The following USP48 variants were observed in gnomAD, a reference collection of about 807,000 sequenced individuals.
USP48 encodes the protein ubiquitin carboxyl-terminal hydrolase 48.
In USP48, 43 loss-of-function variants were observed where a neutral mutation model predicts 150.7. The observed-to-expected ratio is 0.29, with a 90% CI of 0.22 to 0.37. USP48 has a LOEUF of 0.37. Among genes scored for constraint, USP48 ranks in the 10% least tolerant of loss-of-function variants. The pLI, the probability that USP48 is intolerant of heterozygous loss-of-function variation, is 1.00. For missense variants in USP48, 813 were observed against 1,249.6 expected (o/e 0.65, Z 5.27); for synonymous variants, 396 against 425.9 (o/e 0.93, Z 0.86).
intron 14 of USP48, 77 bp downstream of exon 14, chr1:21,720,959 T>G: frequency 1.9e-6 from 3 of 1,566,298 alleles, no homozygotes; most frequent in Non-Finnish European, 8.7e-7. Context: ...ACTACACGAA[T>G]GAGCCACCGT....
intron 21 of USP48, 138 bp downstream of exon 21, chr1:21,703,374 A>T: frequency 1.8e-6 from 1 of 540,718 alleles, no homozygotes. Flanking sequence ...TTATTGTCCA[A>T]TTTCAATTCT....
intron 3 of USP48, among the ~76,000 whole-genome samples, chr1:21,753,823 T>TA (rs11308463): frequency 0.089 from 7,720 of 86,432 alleles, 406 homozygotes; most frequent in African/African-American, 0.15. Context: ...CGAGACTCTT[T>TA]AAAAAAAAAA....
intron 1 of USP48, among the ~76,000 whole-genome samples, chr1:21,775,123 CTT>C (rs1279456662): frequency 6.6e-6 from 1 of 152,056 alleles, no homozygotes; most frequent in African/African-American, 2.4e-5. Flanking sequence ...GAGACAGGGT[CTT>C]GCTCTATCGC....
intron 6 of USP48, among the ~76,000 whole-genome samples, chr1:21,749,208 T>G (rs2097802848): frequency 6.6e-6 from 1 of 152,162 alleles, no homozygotes; most frequent in South Asian, 2.1e-4. Context: ...AATGCAATAC[T>G]GGTACCATCA....
At chr1:21,777,766 C>A (rs558673578) in intron 1 of USP48, among the ~76,000 whole-genome samples, 1 of 151,928 alleles carries the variant, frequency 6.6e-6, no homozygotes, top group Admixed American at 6.6e-5. Context: ...AAATTAAAAG[C>A]CATAGAAATT....
At chr1:21,758,756 AATGAATG>A (rs1289374967) in intron 1 of USP48, among the ~76,000 whole-genome samples, 5 of 208 alleles carry the variant, frequency 0.024, no homozygotes, top group Non-Finnish European at 0.091. Flanking sequence ...TCTTGGAAAA[AATGAATG>A]AATGAATGAA....
chr1:21,703,076 G>C (rs976869521), intron 21 of USP48, among the ~76,000 whole-genome samples: 3 of 152,202 alleles, frequency 2.0e-5, no homozygotes, highest in African/African-American at 7.2e-5. Context: ...ACTTCTCCAA[G>C]ACGCCTCTCC....
chr1:21,761,960 T>C (rs1210116010), intron 1 of USP48, among the ~76,000 whole-genome samples: 2 of 151,930 alleles, frequency 1.3e-5, no homozygotes, highest in Non-Finnish European at 2.9e-5. Context: ...AGGTCTACTA[T>C]AAGAGAGTTA....
intron 1 of USP48, 107 bp downstream of exon 1, chr1:21,782,717 G>A (rs1485849555): frequency 7.2e-7 from 1 of 1,389,708 alleles, no homozygotes; most frequent in Admixed American, 3.1e-5. Flanking sequence ...TCGGCTCCGC[G>A]CCTCCCAAAT....
At chr1:21,744,051 T>C (rs560246814) in intron 8 of USP48, among the ~76,000 whole-genome samples, 4 of 152,312 alleles carry the variant, frequency 2.6e-5, no homozygotes, top group African/African-American at 9.6e-5. Flanking sequence ...GTATCAGCAG[T>C]AGCTGTCTTT....
chr1:21,679,263 G>A lies in USP48; in HGVS notation c.*154C>T. 1 of 699,594 alleles carries A rather than the reference G, an allele frequency of 1.4e-6. No homozygotes were observed. The highest frequency in any genetic ancestry group is 2.3e-5 in the Admixed American group (1 of 43,038). 43.3% of individuals were successfully genotyped at this position (699,594 alleles called of 1,614,324 possible). A position where few individuals can be genotyped will look rare whatever the true frequency, so the allele number is the denominator to read the frequency against. On this transcript the variant is annotated 3_prime_UTR_variant, in exon 27 of 27. Coordinates refer to ENST00000308271, the MANE Select transcript of USP48 (RefSeq NM_032236.8). ...GTGCAATCTGCTTTATTTGACATAA[G>A]GCATTTGGGACAGTCACGTTTGAAT...
chr1:21,697,930 G>A (rs2097641942), intron 22 of USP48, among the ~76,000 whole-genome samples: 1 of 152,000 alleles, frequency 6.6e-6, no homozygotes, highest in Non-Finnish European at 1.5e-5. Context: ...CAGCCCACTG[G>A]TTTTAGAAGG....
At chr1:21,706,014 G>A (rs1275021580) in intron 18 of USP48, 112 bp downstream of exon 18, 4 of 1,253,352 alleles carry the variant, frequency 3.2e-6, no homozygotes, top group Non-Finnish European at 4.5e-6. Flanking sequence ...GTATGCTGGT[G>A]AAAGTAACCA....
chr1:21,713,617 T>C (rs981986972), intron 15 of USP48, among the ~76,000 whole-genome samples: 10 of 152,206 alleles, frequency 6.6e-5, no homozygotes, highest in African/African-American at 1.9e-4. Context: ...CATGACACAG[T>C]ATTTTGCCAC....
intron 11 of USP48, among the ~76,000 whole-genome samples, chr1:21,725,753 C>CAA (rs11384428): frequency 0.16 from 23,485 of 145,970 alleles, 2,563 homozygotes; most frequent in East Asian, 0.37. Flanking sequence ...AATTCCATCT[C>CAA]AAAAAAAAAA....
At chr1:21,725,186 G>A (rs551660536) in intron 11 of USP48, 7 of 152,332 alleles carry the variant, frequency 4.6e-5, no homozygotes, top group South Asian at 4.1e-4. Context: ...CAAGTCGAAT[G>A]TGGCTCCAGA....
intron 1 of USP48, among the ~76,000 whole-genome samples, chr1:21,764,638 G>GT (rs2097857498): frequency 6.6e-6 from 1 of 151,086 alleles, no homozygotes; most frequent in South Asian, 2.1e-4. Flanking sequence ...CCCGGGAGGC[G>GT]GAGGTTGCAG....
At chr1:21,723,129 T>C (rs754445533) in intron 12 of USP48, among the ~76,000 whole-genome samples, 1 of 152,158 alleles carries the variant, frequency 6.6e-6, no homozygotes, top group Non-Finnish European at 1.5e-5. Flanking sequence ...TATGGTTGGG[T>C]ACTATGTGGT....
intron 24 of USP48, among the ~76,000 whole-genome samples, chr1:21,688,810 T>C (rs151259268): frequency 0.016 from 2,029 of 127,536 alleles, 21 homozygotes; most frequent in Non-Finnish European, 0.025. Context: ...GCCACTGCAC[T>C]CCAGCCTGGG....
Sources: allele counts gnomAD v4.1 joint callset (sites outside exome capture counted in the v4.1 genomes callset), GRCh38; gene constraint gnomAD v4.1.1; transcripts MANE v1.5; gene names NCBI Gene and HGNC (gene_info 2026-07-23, HGNC 2026-07-21).